The following NLRP5 variants were observed in gnomAD, a reference collection of about 807,000 sequenced individuals.
The protein encoded by NLRP5 is NLR family pyrin domain containing 5.
In NLRP5, 93 loss-of-function variants were observed where a neutral mutation model predicts 113.1. The ratio of observed to expected loss-of-function variants is 0.82; its 90% CI spans 0.70 to 0.98. The LOEUF is 0.98. Ranked by LOEUF, NLRP5 falls within the 50% of genes least tolerant of loss-of-function variation. The pLI is 0.00. For synonymous variants in NLRP5, 751 were observed against 600.7 expected (o/e 1.25, Z -3.66); for missense variants, 1,808 against 1,514.3 (o/e 1.19, Z -3.22).
intron 7 of NLRP5, 100 bp from the exon 8 acceptor site, chr19:56,032,511 C>G: frequency 9.1e-7 from 1 of 1,096,058 alleles, no homozygotes; most frequent in Non-Finnish European, 1.3e-6. Context: ...CCACCGTGGT[C>G]TCACCTCGAG....
At chr19:55,991,955 A>G in the NLRP5 span, among the ~76,000 whole-genome samples, 1 of 151,842 alleles carries the variant, frequency 6.6e-6, no homozygotes, top group African/African-American at 2.4e-5. Flanking sequence ...TATACATACT[A>G]TTTCCTCACC....
intron 9 of NLRP5, among the ~76,000 whole-genome samples, 200 bp from the exon 10 acceptor site, chr19:56,037,825 C>A (rs774094555): frequency 3.3e-5 from 5 of 151,720 alleles, no homozygotes; most frequent in Non-Finnish European, 7.4e-5. Context: ...CATGAAAGGA[C>A]GTGAACCCCA....
Position 56,061,426 on chromosome 19 carries a change from A to G in NLRP5, c.3501A>G (p.Ile1167Met). 1 of 1,614,014 alleles carries G rather than the reference A, an allele frequency of 6.2e-7. No homozygotes were observed. Among genetic ancestry groups the G allele is most frequent in the Non-Finnish European group, 8.5e-7 (1 of 1,179,868 alleles). ...GGAAATGGCAGTACCCTGTGCAAATAAGGAAGCTGCTGGAGGAAGTGCAGC... is the reference window on the plus strand; with the variant it reads ...GGAAATGGCAGTACCCTGTGCAAATGAGGAAGCTGCTGGAGGAAGTGCAGC... The change falls in exon 15 of 15, where the codon ATA (isoleucine) becomes ATG (methionine). Residue 1167 changes from isoleucine (I) to methionine (M), a missense_variant. Ile to Met is a conservative substitution (Grantham distance 10, BLOSUM62 1). Coordinates refer to ENST00000390649, the MANE Select transcript of NLRP5 (RefSeq NM_153447.4).
chr19:56,032,001 A>T (rs1322470403), intron 7 of NLRP5, among the ~76,000 whole-genome samples: 1 of 152,062 alleles, frequency 6.6e-6, no homozygotes, highest in Non-Finnish European at 1.5e-5. Flanking sequence ...TGTTTTCCAC[A>T]GCTGTTGCAC....
chr19:56,009,440 T>C (rs1982095714), intron 3 of NLRP5, among the ~76,000 whole-genome samples: 1 of 151,192 alleles, frequency 6.6e-6, no homozygotes, highest in Non-Finnish European at 1.5e-5. Flanking sequence ...GACCCCACTA[T>C]GACAAGCTCC....
At chr19:56,008,429 C>G (rs1482957592) in intron 2 of NLRP5, among the ~76,000 whole-genome samples, 3 of 152,166 alleles carry the variant, frequency 2.0e-5, no homozygotes, top group South Asian at 2.1e-4. Context: ...ATTTGGGTAA[C>G]TCATAGGCAT....
At chr19:56,043,625 G>A (rs555669348) in intron 11 of NLRP5, among the ~76,000 whole-genome samples, 1 of 135,898 alleles carries the variant, frequency 7.4e-6, no homozygotes, top group Non-Finnish European at 1.5e-5. Flanking sequence ...CAGTGCAGTG[G>A]CGTGATCTCC....
intron 4 of NLRP5, among the ~76,000 whole-genome samples, chr19:56,017,550 T>G (rs1222507873): frequency 6.6e-6 from 1 of 152,208 alleles, no homozygotes; most frequent in African/African-American, 2.4e-5. Context: ...TGGCTTCACT[T>G]CCATATATTT....
intron 4 of NLRP5, among the ~76,000 whole-genome samples, chr19:56,016,895 G>A (rs781469549): frequency 6.6e-6 from 1 of 151,998 alleles, no homozygotes; most frequent in Non-Finnish European, 1.5e-5. Flanking sequence ...TGCAAGCTCC[G>A]CCTCCTGGGT....
intron 2 of NLRP5, among the ~76,000 whole-genome samples, chr19:56,005,818 G>A (rs576772458): frequency 6.6e-6 from 1 of 152,302 alleles, no homozygotes; most frequent in African/African-American, 2.4e-5. Context: ...GGTTTATCAA[G>A]TCAGCACTGC....
chr19:55,998,731 T>TAC (rs1981473461), upstream of NLRP5, among the ~76,000 whole-genome samples: 3 of 142,912 alleles, frequency 2.1e-5, no homozygotes, highest in African/African-American at 5.3e-5. Context: ...TATATATATG[T>TAC]GTATATATAT....
At position 56,038,156 on chromosome 19, in the gene NLRP5, A is replaced by G; in HGVS notation, c.2747A>G (p.Asp916Gly). 1 of 1,613,926 alleles carries G rather than the reference A, an allele frequency of 6.2e-7. No homozygotes were observed. ...GACCAGGGAGTAATGCCTCTCAGTG[A>G]TGCCTTGAGAGTCTCCCAGTGCGCC... Residue 916 changes from aspartate to glycine, a missense_variant, in exon 10 of 15, where the codon GAT becomes GGT. Asp to Gly is a moderately conservative substitution (Grantham distance 94). Transcript: ENST00000390649.
rs1315428409 is a variant in NLRP5, at chr19:56,027,620, G to T, written c.1387G>T (p.Glu463Ter). Residue 463 changes from glutamate (E) to a stop codon, truncating the protein, a stop_gained, in exon 7 of 15, where the codon GAG (glutamate) becomes TAG (stop). Transcript: ENST00000390649. LOFTEE classifies it high-confidence loss of function. Reference sequence around the variant, plus strand: ...GTTGCGTGCGATCATGAACAACCGTGAGCTGCTCGACCAGTGCCAGGTGCC... The same window carrying T: ...GTTGCGTGCGATCATGAACAACCGTTAGCTGCTCGACCAGTGCCAGGTGCC... 2 of 1,613,596 alleles carry T rather than the reference G, an allele frequency of 1.2e-6. No individual in the cohort carries two copies. The highest frequency in any genetic ancestry group is 2.7e-5 in the African/African-American group (2 of 74,946).
chr19:55,993,010 T>A, the NLRP5 span, among the ~76,000 whole-genome samples: 1 of 151,934 alleles, frequency 6.6e-6, no homozygotes. Flanking sequence ...CCACCATGCC[T>A]GGCTAATTTT....
chr19:56,043,861 G>A (rs557059848), intron 11 of NLRP5, among the ~76,000 whole-genome samples: 13 of 151,746 alleles, frequency 8.6e-5, no homozygotes, highest in South Asian at 6.3e-4. Flanking sequence ...ACAGGCGTGA[G>A]CCACCACGCC....
intron 11 of NLRP5, among the ~76,000 whole-genome samples, chr19:56,043,211 A>T (rs1342253822): frequency 6.6e-6 from 1 of 152,068 alleles, no homozygotes; most frequent in Non-Finnish European, 1.5e-5. Flanking sequence ...GTACTAGTTT[A>T]CTTTCCCACC....
chr19:56,017,527 G>A (rs76403898), intron 4 of NLRP5, among the ~76,000 whole-genome samples: 5,228 of 152,084 alleles, frequency 0.034, 308 homozygotes, highest in African/African-American at 0.12. Flanking sequence ...CCTTTGACCT[G>A]TTGAGGATCG....
At chr19:56,011,542 A>G (rs1982192136) in intron 3 of NLRP5, among the ~76,000 whole-genome samples, 2 of 152,204 alleles carry the variant, frequency 1.3e-5, no homozygotes, top group South Asian at 2.1e-4. Context: ...AGATACATCC[A>G]TCCGAAGTCA....
At chr19:56,034,516 C>G (rs983647770) in intron 9 of NLRP5, among the ~76,000 whole-genome samples, 2 of 152,188 alleles carry the variant, frequency 1.3e-5, no homozygotes, top group African/African-American at 4.8e-5. Context: ...TTTATTACAT[C>G]TAGATTTGTG....
Sources: gnomAD v4.1 joint callset for allele counts (sites outside exome capture counted in the v4.1 genomes callset) on GRCh38, gnomAD v4.1.1 for gene constraint, MANE v1.5 for transcripts, NCBI Gene and HGNC (gene_info 2026-07-23, HGNC 2026-07-21) for gene names.